Variants in BNIP2 observed in about 807,000 individuals in gnomAD.
BNIP2 encodes the protein BCL2/adenovirus E1B 19 kDa protein-interacting protein 2.
Under a neutral mutation model 43.4 loss-of-function variants are expected in BNIP2, and 36 were observed. That is an observed-to-expected ratio of 0.83 (90% CI 0.64 to 1.10). BNIP2 has a LOEUF of 1.10. Ranked by LOEUF, BNIP2 falls within the 50% of genes least tolerant of loss-of-function variation. The probability of loss-of-function intolerance (pLI) is 0.00; values close to 1 mark genes in which losing one functional copy is unlikely to be tolerated. For missense variants in BNIP2, 417 were observed against 374.1 expected (o/e 1.11, Z -0.95); for synonymous variants, 146 against 121.0 (o/e 1.21, Z -1.35).
chr15:59,663,455 T>C lies in BNIP2; in HGVS notation c.*614A>G, dbSNP rs1398349206. On this transcript the variant is annotated 3_prime_UTR_variant, in exon 10 of 10. Coordinates refer to ENST00000607373, the MANE Select transcript of BNIP2 (RefSeq NM_004330.4). ...CTTGCTGAATTATGAAACAAATATG[T>C]TAAATGAGAAAAAAACCTTGGGATG... 3.3e-5 allele frequency: 5 copies of C among 152,620 alleles called. No homozygotes were observed. Among genetic ancestry groups the C allele is most frequent in the Admixed American group, 3.3e-4 (5 of 15,268 alleles). The allele number at this position is 152,620 out of a possible 1,614,324, so 9.5% of individuals were successfully genotyped here.
intron 7 of BNIP2, among the ~76,000 whole-genome samples, chr15:59,669,775 G>C (rs1038083881): frequency 3.9e-5 from 6 of 152,200 alleles, no homozygotes; most frequent in Admixed American, 3.3e-4. Flanking sequence ...GAGTGGAGAA[G>C]ATGACCACAG....
intron 3 of BNIP2, 95 bp from the exon 4 acceptor site, chr15:59,679,863 A>G (rs1893547949): frequency 9.2e-7 from 1 of 1,089,602 alleles, no homozygotes; most frequent in Non-Finnish European, 1.2e-6. Context: ...TTCTTGGGAA[A>G]AAATAATATT....
chr15:59,673,994 G>A (rs911800862), intron 5 of BNIP2, among the ~76,000 whole-genome samples: 7 of 150,140 alleles, frequency 4.7e-5, no homozygotes, highest in African/African-American at 1.7e-4. Flanking sequence ...GGAGGCTGAG[G>A]CAGGACAATC....
intron 5 of BNIP2, chr15:59,677,092 T>C: frequency 1.2e-6 from 2 of 1,610,036 alleles, no homozygotes; most frequent in Non-Finnish European, 1.7e-6. Context: ...AGCACTACCT[T>C]CATAGAAATG....
intron 1 of BNIP2, 118 bp from the exon 2 acceptor site, chr15:59,682,632 A>G (rs1174504411): frequency 4.0e-6 from 3 of 744,032 alleles, no homozygotes; most frequent in Non-Finnish European, 5.9e-6. Context: ...TCTGGTCATG[A>G]AATTCATTTA....
At position 59,660,616 on chromosome 15, in the gene BNIP2, C is replaced by T. The variant is rs1477753948; in HGVS notation, c.*3453G>A. ...AATGTTATATAGTCTTTTTAAAAGG[C>T]CTCTATCAAAAAGCAGATCTCTTAC... On this transcript the variant is annotated 3_prime_UTR_variant, in exon 10 of 10. Coordinates refer to ENST00000607373, the MANE Select transcript of BNIP2 (RefSeq NM_004330.4). 2 of 152,084 alleles carry T rather than the reference C, an allele frequency of 1.3e-5. No homozygotes were observed. The highest frequency in any genetic ancestry group is 2.9e-5 in the Non-Finnish European group (2 of 68,008). The allele number at this position is 152,084 out of a possible 1,614,324, so 9.4% of individuals were successfully genotyped here.
At chr15:59,670,415 A>C (rs771493393) in intron 7 of BNIP2, among the ~76,000 whole-genome samples, 26 of 152,210 alleles carry the variant, frequency 1.7e-4, no homozygotes, top group Non-Finnish European at 2.8e-4. Flanking sequence ...TAGATGACAG[A>C]GTGAGACCCT....
chr15:59,671,086 AGT>A, intron 7 of BNIP2, 95 bp downstream of exon 7: 1 of 1,218,112 alleles, frequency 8.2e-7, no homozygotes, highest in Non-Finnish European at 1.1e-6. Context: ...AAAAAAAAAA[AGT>A]TAAAAAAAAA....
intron 3 of BNIP2, 51 bp downstream of exon 3, chr15:59,680,190 A>T: frequency 7.4e-7 from 1 of 1,358,380 alleles, no homozygotes; most frequent in South Asian, 1.6e-5. Flanking sequence ...CGTGTTTTAA[A>T]AAATAACACA....
chr15:59,677,070 T>C (rs950526752), intron 5 of BNIP2: 50 of 1,610,792 alleles, frequency 3.1e-5, no homozygotes, highest in Non-Finnish European at 4.2e-5. Context: ...ATCTTATGCT[T>C]CAGGCTAAGA....
chr15:59,679,322 CTTGA>C (rs1473067555), intron 4 of BNIP2: 2 of 289,060 alleles, frequency 6.9e-6, no homozygotes, highest in Non-Finnish European at 6.4e-6. Context: ...AAGTTTCTTA[CTTGA>C]TTGACTAAAA....
At chr15:59,679,896 C>T in intron 3 of BNIP2, 128 bp from the exon 4 acceptor site, 2 of 875,698 alleles carry the variant, frequency 2.3e-6, no homozygotes, top group Admixed American at 3.6e-5. Flanking sequence ...TTTCAAAGCA[C>T]CTATTCACAA....
rs1458599652 is a variant in BNIP2, at chr15:59,659,760, T to G, written c.*4309A>C. The G allele has an allele frequency of 2.6e-5, 4 of 152,240 alleles. No homozygotes were observed. Among genetic ancestry groups the G allele is most frequent in the Non-Finnish European group, 5.9e-5 (4 of 68,038 alleles). The allele number at this position is 152,240 out of a possible 1,614,324, so 9.4% of individuals were successfully genotyped here. A position where few individuals can be genotyped will look rare whatever the true frequency, so the allele number is the denominator to read the frequency against. On this transcript the variant is annotated 3_prime_UTR_variant, in exon 10 of 10. Transcript: ENST00000607373. ...AGACATCCTACAAGCCTAGTATCAT[T>G]AATTTGAAAGCACGAAATGATTTTC...
Position 59,677,255 on chromosome 15 carries a change from G to A in BNIP2, c.472+656C>T, listed in dbSNP as rs1893363650. 17 of 1,597,876 alleles carry A rather than the reference G, an allele frequency of 1.1e-5. 1 individual carries two copies. The South Asian group carries it at 1.8e-4, about 17-fold the overall frequency. On this transcript the variant is annotated intron_variant, in intron 5 of 9. Transcript: ENST00000607373. ...GTGCCAAGCCCCGGCTGGACTGCTT[G>A]ACTGAAGTATACAGGAGCTGCCAGG...
intron 9 of BNIP2, 158 bp downstream of exon 9, chr15:59,668,734 G>A (rs1892711422): frequency 3.6e-6 from 2 of 556,594 alleles, no homozygotes; most frequent in East Asian, 3.2e-5. Context: ...GTGGGAAAAT[G>A]GCTTCTTCCT....
Position 59,668,842 on chromosome 15 carries a change from C to T in BNIP2, c.893+50G>A, listed in dbSNP as rs752696984. ...GTATTGAAAAGTATTATCCATTGCA[C>T]ATCAAAATGTTAAGATCCAATACAA... On this transcript the variant is annotated intron_variant, in intron 9 of 9. Transcript: ENST00000607373. The T allele has an allele frequency of 9.5e-6, 14 of 1,468,432 alleles. No homozygotes were observed. In the Admixed American group the frequency reaches 1.8e-4, roughly 19 times the overall value. The allele number at this position is 1,468,432 out of a possible 1,614,324, so 91.0% of individuals were successfully genotyped here.
chr15:59,688,944 G>T, intron 1 of BNIP2, 191 bp downstream of exon 1: 2 of 1,449,916 alleles, frequency 1.4e-6, no homozygotes, highest in Non-Finnish European at 1.8e-6. Flanking sequence ...GCCAAGGGCG[G>T]GGACCTAAGC....
chr15:59,688,867 C>T (rs1281966400), intron 1 of BNIP2: 1 of 1,452,388 alleles, frequency 6.9e-7, no homozygotes, highest in Non-Finnish European at 9.1e-7. Context: ...CCATCCCGAG[C>T]ACAACTACCA....
chr15:59,680,059 G>A (rs1329469393), intron 3 of BNIP2, among the ~76,000 whole-genome samples, 182 bp downstream of exon 3: 1 of 151,642 alleles, frequency 6.6e-6, no homozygotes, highest in Non-Finnish European at 1.5e-5. Context: ...CAAAAACCAA[G>A]TGTATGTTTT....
Sources: allele counts gnomAD v4.1 joint callset (sites outside exome capture counted in the v4.1 genomes callset), GRCh38; gene constraint gnomAD v4.1.1; transcripts MANE v1.5; gene names NCBI Gene and HGNC (gene_info 2026-07-23, HGNC 2026-07-21).